Variants in AGAP1 observed in about 807,000 individuals in gnomAD.
AGAP1 encodes ArfGAP with GTPase domain, ankyrin repeat and PH domain 1, also known as arf-GAP with GTPase, ANK repeat and PH domain-containing protein 1.
In AGAP1, 29 loss-of-function variants were observed where a neutral mutation model predicts 105.3. The observed-to-expected ratio is 0.28, with a 90% CI of 0.21 to 0.38. The LOEUF (loss-of-function observed/expected upper bound fraction) is 0.38, where lower values mean the gene tolerates loss of function less well. AGAP1 is among the 10% of genes least tolerant of loss of function. The pLI, the probability that AGAP1 is intolerant of heterozygous loss-of-function variation, is 1.00. For synonymous variants in AGAP1, 509 were observed against 485.9 expected, an observed-to-expected ratio of 1.05 and a Z score of -0.63; for missense variants, 998 against 1,165.1, an observed-to-expected ratio of 0.86 and a Z score of 2.09.
chr2:235,649,397 A>C (rs1947504822), intron 1 of AGAP1, among the ~76,000 whole-genome samples: 1 of 152,226 alleles, frequency 6.6e-6, no homozygotes, highest in Non-Finnish European at 1.5e-5. Flanking sequence ...ATTTAAAGAC[A>C]GATTCTCACT....
chr2:236,088,994 G>T (rs1424213576), intron 16 of AGAP1, among the ~76,000 whole-genome samples: 1 of 152,210 alleles, frequency 6.6e-6, no homozygotes, highest in Non-Finnish European at 1.5e-5. Context: ...AAAAGAGAAA[G>T]AACTGGTTTG....
chr2:235,765,600 G>GC (rs1169411622), intron 6 of AGAP1, among the ~76,000 whole-genome samples: 1 of 152,156 alleles, frequency 6.6e-6, no homozygotes, highest in Non-Finnish European at 1.5e-5. Context: ...CCTGGGCTGA[G>GC]CAATCGCTTC....
At position 235,824,156 on chromosome 2, in the gene AGAP1, T is replaced by G. The variant is rs1031800697; in HGVS notation, c.1050+16825T>G. Among the ~76,000 whole-genome samples, 4 of 152,252 alleles carry G rather than the reference T, an allele frequency of 2.6e-5. No homozygotes were observed. The highest frequency in any genetic ancestry group is 9.6e-5 in the African/African-American group (4 of 41,466). On this transcript the variant is annotated intron_variant, in intron 9 of 17. Transcript: ENST00000304032. The surrounding 1 kb of genome is among the most constrained non-coding windows in gnomAD (Gnocchi z 5.2). ...CACCCAGGGACTACTGCAGAAACGTTTTCTAAATAGCGCCAACGCTGAGGG... is the reference window on the plus strand; with the variant it reads ...CACCCAGGGACTACTGCAGAAACGTGTTCTAAATAGCGCCAACGCTGAGGG...
In AGAP1 at chr2:235,865,569, C is replaced by T. The variant is rs2049127308; in HGVS notation, c.1051-17776C>T. Among the ~76,000 whole-genome samples, 1 of 152,132 alleles carries T rather than the reference C, an allele frequency of 6.6e-6. No individual in the cohort carries two copies. The highest frequency in any genetic ancestry group is 2.4e-5 in the African/African-American group (1 of 41,438). On this transcript the variant is annotated intron_variant, in intron 9 of 17. Coordinates refer to ENST00000304032, the MANE Select transcript of AGAP1 (RefSeq NM_001037131.3). The surrounding 1 kb of genome is among the most constrained non-coding windows in gnomAD (Gnocchi z 6.2). Reference sequence around the variant, plus strand: ...GGGGAGCTGGTTAAAGATCCAGAATCGGCCCCTCGCCCCTTTGCCCCTCCC... The same window carrying T: ...GGGGAGCTGGTTAAAGATCCAGAATTGGCCCCTCGCCCCTTTGCCCCTCCC...
At chr2:235,767,034 C>T (rs879398768) in intron 6 of AGAP1, among the ~76,000 whole-genome samples, 4 of 151,696 alleles carry the variant, frequency 2.6e-5, no homozygotes, top group African/African-American at 9.7e-5. Context: ...CTGATTCAGC[C>T]TCCCAAGTAT....
intron 14 of AGAP1, among the ~76,000 whole-genome samples, chr2:236,039,116 A>G (rs1467164829): frequency 3.3e-5 from 5 of 152,164 alleles, no homozygotes; most frequent in African/African-American, 1.2e-4. Flanking sequence ...TTTAACCATA[A>G]TATTAAATGC....
intron 6 of AGAP1, chr2:235,773,981 C>T (rs1207071723): frequency 2.1e-5 from 10 of 470,548 alleles, no homozygotes; most frequent in South Asian, 1.4e-4. Context: ...TTTTTTCCCC[C>T]TCTAAGATTT....
chr2:235,516,342 C>CATT (rs1942385497), intron 1 of AGAP1, among the ~76,000 whole-genome samples: 1 of 152,086 alleles, frequency 6.6e-6, no homozygotes, highest in African/African-American at 2.4e-5. Flanking sequence ...GGCCCAGGAG[C>CATT]ATTATTATTA....
At position 235,843,393 on chromosome 2, in the gene AGAP1, G is replaced by A. The variant is rs186530646; in HGVS notation, c.1050+36062G>A. 6.6e-5 allele frequency among the ~76,000 whole-genome samples: 10 copies of A among 151,970 alleles called. No individual in the cohort carries two copies. In the East Asian group the frequency reaches 1.4e-3, roughly 21 times the overall value. Reference sequence around the variant, plus strand: ...TGAGTTCATTTCAGAATTCCTCCTCGGTGTCTGCTTATTGCATGGCACGGT... The same window carrying A: ...TGAGTTCATTTCAGAATTCCTCCTCAGTGTCTGCTTATTGCATGGCACGGT... On this transcript the variant is annotated intron_variant, in intron 9 of 17. Transcript: ENST00000304032. The surrounding 1 kb of genome is among the most constrained non-coding windows in gnomAD (Gnocchi z 5.9).
rs752772045 is a variant in AGAP1, at chr2:236,036,645, A to G, written c.1730A>G (p.Asp577Gly). 2.1e-5 allele frequency: 34 copies of G among 1,614,218 alleles called. No homozygotes were observed. The highest frequency in any genetic ancestry group is 2.5e-5 in the Non-Finnish European group (30 of 1,180,044). ...HFEATTYEER[D>G]AWVQAIESQI... ...GAAGCCACGACGTATGAGGAGCGGG[A>G]CGCCTGGGTCCAAGCCATCGAGAGC... is the stretch of plus-strand genomic sequence containing the variant. The change falls in exon 14 of 18, where the codon GAC becomes GGC. Residue 577 changes from aspartate (D) to glycine (G), a missense_variant. By Grantham distance (94) the Asp-to-Gly change is moderately conservative (BLOSUM62 -1). This residue lies in a region of AGAP1 where 735 missense variants were observed against 833.4 expected (regional missense o/e 0.88). Transcript: ENST00000304032. The surrounding 1 kb of genome is among the most constrained non-coding windows in gnomAD (Gnocchi z 5.7).
chr2:235,661,455 A>G (rs1017002480), intron 1 of AGAP1, among the ~76,000 whole-genome samples: 1 of 146,398 alleles, frequency 6.8e-6, no homozygotes, highest in Non-Finnish European at 1.5e-5. Context: ...GCTGGAGGCC[A>G]TCCTACTGAG....
chr2:235,771,878 T>C lies in AGAP1; in HGVS notation c.673+21390T>C, dbSNP rs927348214. ...TAATCATTCATCCTTTTTACTTGTTTCGAGGCCTGTGACAAAAAATTCAGA... is the reference window on the plus strand; with the variant it reads ...TAATCATTCATCCTTTTTACTTGTTCCGAGGCCTGTGACAAAAAATTCAGA... On this transcript the variant is annotated intron_variant, in intron 6 of 17. Transcript: ENST00000304032. 2.8e-4 allele frequency among the ~76,000 whole-genome samples: 42 copies of C among 152,228 alleles called. 1 individual carries two copies. Among genetic ancestry groups the C allele is most frequent in the Admixed American group, 2.2e-3 (33 of 15,282 alleles).
chr2:236,006,761 C>T (rs1303886615), intron 13 of AGAP1, among the ~76,000 whole-genome samples: 1 of 152,072 alleles, frequency 6.6e-6, no homozygotes, highest in Non-Finnish European at 1.5e-5. Flanking sequence ...CGGATATGAA[C>T]TTTAAAGGAA....
In AGAP1 at chr2:236,050,298, T is replaced by C. The variant is rs549220329; in HGVS notation, c.2114+1017T>C. ...TGAAAAATGAATTTGTGGTGCCACC[T>C]TTGGCTCACTGGAGAGAATGAAGCT... On this transcript the variant is annotated intron_variant, in intron 16 of 17. Transcript: ENST00000304032. The surrounding 1 kb of genome is among the most constrained non-coding windows in gnomAD (Gnocchi z 4.0). Among the ~76,000 whole-genome samples, 9 of 152,354 alleles carry C rather than the reference T, an allele frequency of 5.9e-5. No individual in the cohort carries two copies. The highest frequency in any genetic ancestry group is 2.2e-4 in the African/African-American group (9 of 41,582).
intron 1 of AGAP1, among the ~76,000 whole-genome samples, chr2:235,539,387 T>C (rs1233154563): frequency 2.0e-5 from 3 of 152,182 alleles, no homozygotes; most frequent in African/African-American, 7.2e-5. Context: ...ACGCCCATTT[T>C]GAGGGAAGGG....
At chr2:235,742,693 G>A (rs1170337875) in intron 4 of AGAP1, among the ~76,000 whole-genome samples, 3 of 151,918 alleles carry the variant, frequency 2.0e-5, no homozygotes, top group African/African-American at 7.3e-5. Context: ...TGGAGGCAAG[G>A]TCCCTCCTGT....
At position 235,721,474 on chromosome 2, in the gene AGAP1, AT is replaced by A. The variant is rs1378181982; in HGVS notation, c.310+3832del. 3.4e-5 allele frequency among the ~76,000 whole-genome samples: 4 copies of A among 118,046 alleles called. No individual in the cohort carries two copies. Among genetic ancestry groups the A allele is most frequent in the Non-Finnish European group, 5.4e-5 (3 of 55,646 alleles). The allele number at this position is 118,046 out of a possible 152,430, so 77.4% of individuals were successfully genotyped here. A position where few individuals can be genotyped will look rare whatever the true frequency, so the allele number is the denominator to read the frequency against. On this transcript the variant is annotated intron_variant, in intron 3 of 17. Coordinates refer to ENST00000304032, the MANE Select transcript of AGAP1 (RefSeq NM_001037131.3). The surrounding 1 kb of genome is among the most constrained non-coding windows in gnomAD (Gnocchi z 4.5). ...CTCTTGGATTGACAGATTCCTTAATATTATGTGTGTGTGTGTGTGTGTGTGT... is the reference window on the plus strand; with the variant it reads ...CTCTTGGATTGACAGATTCCTTAATATATGTGTGTGTGTGTGTGTGTGTGT...
chr2:235,833,772 A>G (rs1959753386), intron 9 of AGAP1, among the ~76,000 whole-genome samples: 1 of 151,826 alleles, frequency 6.6e-6, no homozygotes. Flanking sequence ...ACATGTGTGC[A>G]TGTTTATGAA....
At chr2:235,654,085 T>A (rs1459005091) in intron 1 of AGAP1, among the ~76,000 whole-genome samples, 1 of 152,196 alleles carries the variant, frequency 6.6e-6, no homozygotes, top group African/African-American at 2.4e-5. Flanking sequence ...ATGTTAATTT[T>A]AGAAAGTACA....
Sources: allele counts gnomAD v4.1 joint callset (sites outside exome capture counted in the v4.1 genomes callset), GRCh38; gene constraint gnomAD v4.1.1; regional missense constraint gnomAD v4.1.1; non-coding constraint Gnocchi (gnomAD v3.1); transcripts MANE v1.5; gene names NCBI Gene and HGNC (gene_info 2026-07-23, HGNC 2026-07-21).